Variants in SYT1 observed in about 807,000 individuals in gnomAD.
SYT1 encodes synaptotagmin-1.
In SYT1, 8 loss-of-function variants were observed where a neutral mutation model predicts 44.8. That is an observed-to-expected ratio of 0.18 (90% CI 0.10 to 0.32). The LOEUF (loss-of-function observed/expected upper bound fraction) is 0.32, where lower values mean the gene tolerates loss of function less well. Among genes scored for constraint, SYT1 ranks in the 10% least tolerant of loss-of-function variants. The pLI is 1.00. For synonymous variants in SYT1, 154 were observed against 188.8 expected (o/e 0.82, Z 1.51); for missense variants, 286 against 509.3 (o/e 0.56, Z 4.22).
At chr12:79,022,912 C>G (rs2137631531) in intron 2 of SYT1, among the ~76,000 whole-genome samples, 1 of 151,844 alleles carries the variant, frequency 6.6e-6, no homozygotes, top group African/African-American at 2.4e-5. Flanking sequence ...CTCTGTGTAC[C>G]TTAGTTTTAG....
intron 1 of SYT1, 141 bp downstream of exon 1, chr12:78,865,250 GTGAGAAATA>G (rs1873474726): frequency 6.6e-6 from 1 of 152,300 alleles, no homozygotes; most frequent in Admixed American, 6.5e-5. Context: ...GTGGCCTATT[GTGAGAAATA>G]TGAGACTACA....
At chr12:79,426,983 T>C (rs376494326) in intron 9 of SYT1, among the ~76,000 whole-genome samples, 5 of 152,190 alleles carry the variant, frequency 3.3e-5, no homozygotes, top group East Asian at 3.9e-4. Context: ...CCTGCCACCG[T>C]GTGAAGAAGG....
chr12:78,898,165 A>G (rs1875465395), intron 1 of SYT1, among the ~76,000 whole-genome samples: 1 of 152,090 alleles, frequency 6.6e-6, no homozygotes, highest in African/African-American at 2.4e-5. Flanking sequence ...ACTTAAACTC[A>G]GTGTCTCATT....
intron 9 of SYT1, among the ~76,000 whole-genome samples, chr12:79,385,666 T>C (rs993206704): frequency 5.9e-5 from 9 of 152,200 alleles, no homozygotes; most frequent in African/African-American, 2.2e-4. Flanking sequence ...CAAATCAGTG[T>C]ATTAGGCCAG....
At chr12:79,192,501 A>G (rs569576027) in intron 3 of SYT1, among the ~76,000 whole-genome samples, 55 of 152,266 alleles carry the variant, frequency 3.6e-4, no homozygotes, top group African/African-American at 1.3e-3. Flanking sequence ...ACTGATGAGG[A>G]TGAAACAAGA....
chr12:79,256,351 T>G (rs2138712203), intron 4 of SYT1, among the ~76,000 whole-genome samples: 1 of 152,356 alleles, frequency 6.6e-6, no homozygotes, highest in Middle Eastern at 3.4e-3. Context: ...CAAAAAGGAA[T>G]CTCAGGCTTT....
intron 2 of SYT1, chr12:79,046,578 AT>A (rs1874077368): frequency 6.6e-6 from 1 of 151,956 alleles, no homozygotes; most frequent in East Asian, 1.9e-4. Flanking sequence ...GAAGGGTTTA[AT>A]TTTTTTACTC....
chr12:79,417,661 T>C (rs1268446979), intron 9 of SYT1, among the ~76,000 whole-genome samples: 1 of 152,090 alleles, frequency 6.6e-6, no homozygotes, highest in East Asian at 1.9e-4. Flanking sequence ...CAGGCCTGCC[T>C]CTCCAAATGG....
chr12:78,909,139 C>G (rs1419418836), intron 1 of SYT1, among the ~76,000 whole-genome samples: 2 of 151,706 alleles, frequency 1.3e-5, no homozygotes, highest in African/African-American at 2.4e-5. Flanking sequence ...TTTCTAGCCT[C>G]CATGCATTTT....
chr12:79,284,570 G>A (rs776727533), intron 4 of SYT1, among the ~76,000 whole-genome samples: 2 of 152,106 alleles, frequency 1.3e-5, no homozygotes, highest in Non-Finnish European at 1.5e-5. Flanking sequence ...AGGTGTGGTG[G>A]TTCACGCCTG....
chr12:79,249,097 T>C (rs887186050), intron 4 of SYT1, among the ~76,000 whole-genome samples: 2 of 107,370 alleles, frequency 1.9e-5, no homozygotes, highest in Non-Finnish European at 3.8e-5. Flanking sequence ...TCTTTTTTTT[T>C]TTTTTTTTTT....
chr12:79,222,246 C>T (rs1875207116), intron 4 of SYT1, among the ~76,000 whole-genome samples: 1 of 151,984 alleles, frequency 6.6e-6, no homozygotes, highest in African/African-American at 2.4e-5. Flanking sequence ...TGATCCTTGA[C>T]AACTTGAGTA....
rs547596265 is a variant in SYT1 at position 79,014,781 on chromosome 12, A to G, written c.-83-32516A>G. Among the ~76,000 whole-genome samples, 1,484 of 152,200 alleles carry G rather than the reference A, an allele frequency of 9.8e-3. 30 individuals carry two copies. Among genetic ancestry groups the G allele is most frequent in the African/African-American group, 0.034 (1,405 of 41,504 alleles). ...GCACACGTATGTTTATTGCGGCACT[A>G]TTCACAATAGCAAAGACTTGGAACC... On this transcript the variant is annotated intron_variant, in intron 2 of 10. Transcript: ENST00000261205.
At chr12:78,892,807 G>A (rs1306828308) in intron 1 of SYT1, among the ~76,000 whole-genome samples, 1 of 151,722 alleles carries the variant, frequency 6.6e-6, no homozygotes. Context: ...TAACGGTAAA[G>A]AGGAGAATTA....
chr12:79,041,351 G>T (rs1300481046), intron 2 of SYT1, among the ~76,000 whole-genome samples: 1 of 152,160 alleles, frequency 6.6e-6, no homozygotes, highest in Non-Finnish European at 1.5e-5. Flanking sequence ...TCCCCTGTAA[G>T]TTGGATTCCT....
intron 3 of SYT1, among the ~76,000 whole-genome samples, chr12:79,135,989 C>T (rs1869165276): frequency 6.6e-6 from 1 of 152,110 alleles, no homozygotes; most frequent in African/African-American, 2.4e-5. Context: ...TCTTTGACTC[C>T]CAGAAGGGCA....
Position 79,044,033 on chromosome 12 carries a change from A to G in SYT1, c.-83-3264A>G, listed in dbSNP as rs547988360. Among the ~76,000 whole-genome samples the G allele has an allele frequency of 3.1e-4, 47 of 152,204 alleles. No individual in the cohort carries two copies. The Middle Eastern group carries it at 0.014, about 44-fold the overall frequency. ...ATGGGCTTCCCTTTGTGGGTAACCC[A>G]ACCTTTCTCTCTGGCTGCCCTTAAC... is the stretch of plus-strand genomic sequence containing the variant. On this transcript the variant is annotated intron_variant, in intron 2 of 10. Transcript: ENST00000261205.
intron 8 of SYT1, among the ~76,000 whole-genome samples, chr12:79,326,419 A>G (rs1392027544): frequency 1.3e-5 from 2 of 152,270 alleles, no homozygotes; most frequent in Non-Finnish European, 2.9e-5. Flanking sequence ...AGGCAGAATG[A>G]GATGCGGTCA....
At chr12:78,893,350 A>G (rs1323395750) in intron 1 of SYT1, among the ~76,000 whole-genome samples, 1 of 151,816 alleles carries the variant, frequency 6.6e-6, no homozygotes, top group East Asian at 1.9e-4. Context: ...ACTAAAATAC[A>G]TATTTTTGAA....
Sources: gnomAD v4.1 joint callset for allele counts (sites outside exome capture counted in the v4.1 genomes callset) on GRCh38, gnomAD v4.1.1 for gene constraint, MANE v1.5 for transcripts, NCBI Gene and HGNC (gene_info 2026-07-23, HGNC 2026-07-21) for gene names.